The following EYS variants were observed in gnomAD, a reference collection of about 807,000 sequenced individuals.
EYS encodes the protein EGF-like photoreceptor maintenance factor.
EYS carries 250 observed loss-of-function variants against 282.1 expected under a neutral mutation model. The observed-to-expected ratio is 0.89, with a 90% CI of 0.80 to 0.98. The LOEUF (loss-of-function observed/expected upper bound fraction) is 0.98, where lower values mean the gene tolerates loss of function less well. Among genes scored for constraint, EYS ranks in the 50% least tolerant of loss-of-function variants. The pLI, the probability that EYS is intolerant of heterozygous loss-of-function variation, is 0.00. For missense variants in EYS, 4,016 were observed against 3,709.0 expected (o/e 1.08, Z -2.15); for synonymous variants, 1,355 against 1,282.9 (o/e 1.06, Z -1.20).
intron 2 of EYS, among the ~76,000 whole-genome samples, chr6:65,541,350 T>C (rs1289043017): frequency 6.6e-6 from 1 of 152,210 alleles, no homozygotes; most frequent in Non-Finnish European, 1.5e-5. Context: ...TTTCAGAGAT[T>C]ATTGAATTTT....
At chr6:64,108,543 T>C (rs553127753) in intron 31 of EYS, among the ~76,000 whole-genome samples, 1 of 144,946 alleles carries the variant, frequency 6.9e-6, no homozygotes, top group Admixed American at 7.0e-5. Context: ...GATAGCTGAA[T>C]CTTTAAGCCT....
chr6:64,200,520 T>C (rs1320591053), intron 31 of EYS, among the ~76,000 whole-genome samples: 1 of 152,062 alleles, frequency 6.6e-6, no homozygotes, highest in East Asian at 1.9e-4. Context: ...CTATGGTAAG[T>C]AAAGAAAACA....
intron 40 of EYS, among the ~76,000 whole-genome samples, chr6:63,764,803 T>A (rs1242423031): frequency 2.0e-5 from 3 of 151,928 alleles, no homozygotes; most frequent in African/African-American, 7.2e-5. Context: ...AATTTTTAGG[T>A]CTGAAACAAT....
chr6:64,241,306 T>C lies in EYS; in HGVS notation c.6192-10482A>G, dbSNP rs1251356444. 2.6e-5 allele frequency among the ~76,000 whole-genome samples: 4 copies of C among 152,178 alleles called. No homozygotes were observed. In the East Asian group the frequency reaches 7.7e-4, roughly 29 times the overall value. ...CTCTTTTTCTATTGTTTCAAATAGT[T>C]TCAGAAGGAATGGTACCAGCACCTC... is the stretch of plus-strand genomic sequence containing the variant. On this transcript the variant is annotated intron_variant, in intron 30 of 42. Transcript: ENST00000503581.
chr6:64,158,317 TA>T (rs1284290462), intron 31 of EYS, among the ~76,000 whole-genome samples: 3 of 152,214 alleles, frequency 2.0e-5, no homozygotes, highest in Non-Finnish European at 4.4e-5. Context: ...AATTAATGAA[TA>T]CGTTGATAAT....
At chr6:64,861,365 C>T (rs2150048452) in intron 19 of EYS, among the ~76,000 whole-genome samples, 1 of 152,308 alleles carries the variant, frequency 6.6e-6, no homozygotes, top group South Asian at 2.1e-4. Context: ...GCACAAGGAA[C>T]AGGAAGAAGC....
intron 8 of EYS, among the ~76,000 whole-genome samples, chr6:65,377,241 A>T (rs774323183): frequency 9.2e-5 from 14 of 152,174 alleles, no homozygotes; most frequent in Non-Finnish European, 1.5e-5. Context: ...AAACCACACA[A>T]TTTTGTGGAA....
intron 36 of EYS, among the ~76,000 whole-genome samples, chr6:63,862,505 T>C (rs1416822154): frequency 6.6e-6 from 1 of 152,210 alleles, no homozygotes; most frequent in Non-Finnish European, 1.5e-5. Flanking sequence ...CTTGCATCTT[T>C]GAAACCCTAA....
intron 2 of EYS, among the ~76,000 whole-genome samples, chr6:65,512,131 C>A (rs186823905): frequency 6.6e-6 from 1 of 152,066 alleles, no homozygotes; most frequent in African/African-American, 2.4e-5. Context: ...TTTTCCCTAA[C>A]TTTCCGGCAC....
intron 12 of EYS, among the ~76,000 whole-genome samples, chr6:65,240,405 T>A (rs1400604022): frequency 1.3e-5 from 2 of 152,124 alleles, no homozygotes; most frequent in African/African-American, 4.8e-5. Context: ...TACCTAATGG[T>A]AGTTTTTTCA....
chr6:63,834,143 G>A (rs13215913), intron 36 of EYS, among the ~76,000 whole-genome samples: 4,586 of 152,270 alleles, frequency 0.03, 77 homozygotes, highest in Non-Finnish European at 0.05. Flanking sequence ...TCAGGACATA[G>A]GCAGGGGCAA....
chr6:63,845,199 G>T (rs1335728961), intron 36 of EYS, among the ~76,000 whole-genome samples: 1 of 152,088 alleles, frequency 6.6e-6, no homozygotes, highest in African/African-American at 2.4e-5. Context: ...ACTGAAGATG[G>T]GGGAGCATTT....
At chr6:65,522,411 G>A (rs1767405951) in intron 2 of EYS, among the ~76,000 whole-genome samples, 1 of 152,084 alleles carries the variant, frequency 6.6e-6, no homozygotes, top group African/African-American at 2.4e-5. Context: ...GATCAGCCTG[G>A]GTAATGAAGT....
At chr6:63,991,462 G>C (rs1767598471) in intron 34 of EYS, among the ~76,000 whole-genome samples, 1 of 151,620 alleles carries the variant, frequency 6.6e-6, no homozygotes, top group Admixed American at 6.6e-5. Context: ...TCAGTGAGGA[G>C]AGAAAAGTGA....
chr6:64,477,091 C>T (rs1776294510), intron 26 of EYS, among the ~76,000 whole-genome samples: 1 of 152,142 alleles, frequency 6.6e-6, no homozygotes, highest in Admixed American at 6.5e-5. Flanking sequence ...CACCAAGGCC[C>T]TCACACCAGC....
intron 8 of EYS, among the ~76,000 whole-genome samples, chr6:65,365,904 C>G (rs1187598888): frequency 6.6e-6 from 1 of 151,676 alleles, no homozygotes; most frequent in Non-Finnish European, 1.5e-5. Context: ...TTTTTTAAAT[C>G]AGTGTTTCTG....
Position 64,530,804 on chromosome 6 carries a change from T to A in EYS, c.5644+59419A>T, listed in dbSNP as rs192143779. ...AAATAATCATTTGGTAACTTTTTTT[T>A]AAATTTTCTTCAAAATCAAGCAGAA... On this transcript the variant is annotated intron_variant, in intron 26 of 42. Coordinates refer to ENST00000503581, the MANE Select transcript of EYS (RefSeq NM_001142800.2). Among the ~76,000 whole-genome samples the A allele has an allele frequency of 3.9e-3, 591 of 152,228 alleles. 2 individuals are homozygous for A. Among genetic ancestry groups the A allele is most frequent in the Non-Finnish European group, 6.9e-3 (472 of 68,006 alleles).
chr6:65,180,427 G>T (rs1765347384), intron 12 of EYS, among the ~76,000 whole-genome samples: 1 of 151,968 alleles, frequency 6.6e-6, no homozygotes, highest in Non-Finnish European at 1.5e-5. Context: ...CAAACAGAGA[G>T]CCAAATCATG....
intron 2 of EYS, among the ~76,000 whole-genome samples, chr6:65,545,738 T>A (rs1406946417): frequency 6.6e-6 from 1 of 152,126 alleles, no homozygotes; most frequent in Non-Finnish European, 1.5e-5. Context: ...TGAACAAACA[T>A]GGAATACCTT....
Sources: gnomAD v4.1 joint callset for allele counts (sites outside exome capture counted in the v4.1 genomes callset) on GRCh38, gnomAD v4.1.1 for gene constraint, MANE v1.5 for transcripts, NCBI Gene and HGNC (gene_info 2026-07-23, HGNC 2026-07-21) for gene names.